CADM2: variants seen among roughly 807,000 people sequenced by gnomAD.
CADM2 encodes the protein immunoglobulin superfamily member 4D.
CADM2 carries 12 observed loss-of-function variants against 49.8 expected under a neutral mutation model. The observed-to-expected ratio is 0.24, with a 90% CI of 0.15 to 0.39. The LOEUF (loss-of-function observed/expected upper bound fraction) is 0.39, where lower values mean the gene tolerates loss of function less well. CADM2 is among the 10% of genes least tolerant of loss of function. The pLI, the probability that CADM2 is intolerant of heterozygous loss-of-function variation, is 1.00. For synonymous variants in CADM2, 214 were observed against 175.4 expected (o/e 1.22, Z -1.74); for missense variants, 378 against 492.3 (o/e 0.77, Z 2.20).
At chr3:85,218,425 C>T (rs953977392) in intron 1 of CADM2, among the ~76,000 whole-genome samples, 1 of 152,090 alleles carries the variant, frequency 6.6e-6, no homozygotes, top group Non-Finnish European at 1.5e-5. Flanking sequence ...TATATCATCA[C>T]GTCATAACCC....
intron 8 of CADM2, among the ~76,000 whole-genome samples, chr3:85,984,680 A>G (rs1223828825): frequency 6.6e-6 from 1 of 151,944 alleles, no homozygotes; most frequent in Non-Finnish European, 1.5e-5. Flanking sequence ...TATTACTAAG[A>G]GTGGATTCAA....
intron 1 of CADM2, among the ~76,000 whole-genome samples, chr3:85,083,683 G>A (rs1429410036): frequency 6.6e-6 from 1 of 151,988 alleles, no homozygotes; most frequent in Non-Finnish European, 1.5e-5. Context: ...TAATTAAAAT[G>A]TTTTTCTCTA....
chr3:85,114,891 A>C (rs1352628502), intron 1 of CADM2, among the ~76,000 whole-genome samples: 1 of 152,056 alleles, frequency 6.6e-6, no homozygotes, highest in African/African-American at 2.4e-5. Flanking sequence ...ATTAAGGGAG[A>C]TCTAGATCTT....
intron 1 of CADM2, among the ~76,000 whole-genome samples, chr3:85,630,956 G>T (rs1211043697): frequency 6.6e-6 from 1 of 151,720 alleles, no homozygotes; most frequent in African/African-American, 2.4e-5. Flanking sequence ...ACGGCTATAA[G>T]ACATATCTAG....
intron 1 of CADM2, among the ~76,000 whole-genome samples, chr3:85,462,623 C>G (rs760104116): frequency 2.6e-5 from 4 of 152,124 alleles, no homozygotes; most frequent in Non-Finnish European, 4.4e-5. Context: ...CACAAAAACA[C>G]TAGCATCATA....
chr3:85,944,384 A>G (rs141812088), intron 7 of CADM2, among the ~76,000 whole-genome samples: 1 of 152,082 alleles, frequency 6.6e-6, no homozygotes, highest in African/African-American at 2.4e-5. Context: ...GTTAACAGGG[A>G]TATCCAGGAA....
At chr3:85,488,441 G>A (rs541540434) in intron 1 of CADM2, among the ~76,000 whole-genome samples, 20 of 152,246 alleles carry the variant, frequency 1.3e-4, no homozygotes, top group African/African-American at 4.8e-4. Flanking sequence ...AACATAATTA[G>A]TAGTCAGCCT....
At chr3:85,218,045 ATTAC>A (rs1366658209) in intron 1 of CADM2, among the ~76,000 whole-genome samples, 3 of 152,114 alleles carry the variant, frequency 2.0e-5, no homozygotes, top group Admixed American at 6.5e-5. Flanking sequence ...TTTGTAATCA[ATTAC>A]TTATGTTATG....
chr3:85,961,843 A>C (rs1724856328), intron 8 of CADM2, among the ~76,000 whole-genome samples, 196 bp downstream of exon 8: 1 of 151,958 alleles, frequency 6.6e-6, no homozygotes, highest in Non-Finnish European at 1.5e-5. Flanking sequence ...AAATTGTAAC[A>C]TACATAAAAT....
chr3:85,545,789 C>G lies in CADM2; in HGVS notation c.62-180733C>G, dbSNP rs189756435. 3.8e-3 allele frequency among the ~76,000 whole-genome samples: 574 copies of G among 152,208 alleles called. 5 individuals are homozygous for G. The highest frequency in any genetic ancestry group is 0.012 in the African/African-American group (511 of 41,534). The stretch of plus-strand genomic sequence containing the variant: ...TCCAAGGCATATTTTTTCCCATTCA[C>G]CTTCTAGGGAAAAAAGTAAACCTGA... On this transcript the variant is annotated intron_variant, in intron 1 of 9. Transcript: ENST00000383699.
rs1179967499 is a variant in CADM2 at position 85,034,790 on chromosome 3, C to CTTTTTTTTTTTTTTTTTTTTTTTTTTTT, written c.61+75146_61+75147insTTTTTTTTTTTTTTTTTTTTTTTTTTTT. Among the ~76,000 whole-genome samples the CTTTTTTTTTTTTTTTTTTTTTTTTTTTT allele has an allele frequency of 1.4e-4, 12 of 84,060 alleles. 1 individual carries two copies. Among genetic ancestry groups the CTTTTTTTTTTTTTTTTTTTTTTTTTTTT allele is most frequent in the African/African-American group, 5.4e-4 (10 of 18,502 alleles). 55.1% of individuals were successfully genotyped at this position (84,060 alleles called of 152,430 possible). ...TATCTTTTAGATAAAAGACATTTTG[C>CTTTTTTTTTTTTTTTTTTTTTTTTTTTT]TTTTTTTTTTTTTTTTTTTTTTTTA... On this transcript the variant is annotated intron_variant, in intron 1 of 9. Coordinates refer to ENST00000383699, the MANE Select transcript of CADM2 (RefSeq NM_001167675.2).
chr3:85,524,386 A>T (rs117804370), intron 1 of CADM2, among the ~76,000 whole-genome samples: 2,035 of 152,130 alleles, frequency 0.013, 113 homozygotes, highest in South Asian at 0.1. Context: ...CATTTTACCC[A>T]TTGTGACACC....
chr3:85,737,748 C>T (rs1411982882), intron 2 of CADM2, among the ~76,000 whole-genome samples: 3 of 151,798 alleles, frequency 2.0e-5, no homozygotes, highest in Admixed American at 6.6e-5. Context: ...TTAGGAGAGA[C>T]GGGGTTTCAC....
At chr3:85,978,512 A>G (rs1727070838) in intron 8 of CADM2, among the ~76,000 whole-genome samples, 1 of 151,582 alleles carries the variant, frequency 6.6e-6, no homozygotes, top group South Asian at 2.1e-4. Context: ...ACTCCTAGGT[A>G]CTGCAAAATT....
chr3:85,118,691 AC>A (rs1471117889), intron 1 of CADM2, among the ~76,000 whole-genome samples: 1 of 152,180 alleles, frequency 6.6e-6, no homozygotes, highest in Admixed American at 6.5e-5. Flanking sequence ...AAACCATATC[AC>A]CATGTTTTTA....
chr3:85,915,941 C>A (rs942994206), intron 6 of CADM2, among the ~76,000 whole-genome samples: 1 of 151,834 alleles, frequency 6.6e-6, no homozygotes, highest in Non-Finnish European at 1.5e-5. Context: ...TTGTAGAAAC[C>A]TAAGTTTGGT....
At chr3:85,432,977 A>T (rs542311494) in intron 1 of CADM2, among the ~76,000 whole-genome samples, 2 of 152,104 alleles carry the variant, frequency 1.3e-5, no homozygotes, top group Non-Finnish European at 2.9e-5. Flanking sequence ...TGAGAAAAAA[A>T]ATACAACAAT....
intron 1 of CADM2, among the ~76,000 whole-genome samples, chr3:85,669,842 A>T (rs2065682816): frequency 6.6e-6 from 1 of 152,080 alleles, no homozygotes; most frequent in Non-Finnish European, 1.5e-5. Context: ...TTTTTTATGT[A>T]TATTTTCTTT....
intron 1 of CADM2, among the ~76,000 whole-genome samples, chr3:85,324,362 C>T (rs928441261): frequency 1.3e-5 from 2 of 152,130 alleles, no homozygotes; most frequent in Non-Finnish European, 2.9e-5. Context: ...ACGCCCAAAG[C>T]TCTTAGGCTG....
Sources: allele counts gnomAD v4.1 joint callset (sites outside exome capture counted in the v4.1 genomes callset), GRCh38; gene constraint gnomAD v4.1.1; transcripts MANE v1.5; gene names NCBI Gene and HGNC (gene_info 2026-07-23, HGNC 2026-07-21).